The following KMT2E variants were observed in gnomAD, a reference collection of about 807,000 sequenced individuals.
The protein encoded by KMT2E is lysine methyltransferase 2E (inactive).
In KMT2E, 30 loss-of-function variants were observed where a neutral mutation model predicts 184.6. That is an observed-to-expected ratio of 0.16 (90% CI 0.12 to 0.22). The LOEUF (loss-of-function observed/expected upper bound fraction) is 0.22. Among genes scored for constraint, KMT2E ranks in the 10% least tolerant of loss-of-function variants. KMT2E has a pLI of 1.00. For synonymous variants in KMT2E, 815 were observed against 776.5 expected, an observed-to-expected ratio of 1.05 and a Z score of -0.82; for missense variants, 2,023 against 2,237.4, an observed-to-expected ratio of 0.90 and a Z score of 1.93.
At chr7:105,025,358 TAGA>T (rs1054203027) in intron 1 of KMT2E, among the ~76,000 whole-genome samples, 17 of 152,338 alleles carry the variant, frequency 1.1e-4, no homozygotes, top group African/African-American at 4.1e-4. Context: ...GTAAAATTCT[TAGA>T]AGCTCTGTAG....
At chr7:105,083,624 C>G (rs955109020) in intron 13 of KMT2E, among the ~76,000 whole-genome samples, 1 of 152,218 alleles carries the variant, frequency 6.6e-6, no homozygotes, top group Non-Finnish European at 1.5e-5. Context: ...AACCCAAATG[C>G]ATTTGCACAA....
rs962619499 is a variant in KMT2E at position 105,105,337 on chromosome 7, T to C, written c.2197-102T>C. 3.6e-6 allele frequency: 3 copies of C among 822,050 alleles called. No homozygotes were observed. In the Admixed American group the frequency reaches 9.0e-5, roughly 25 times the overall value. 50.9% of individuals were successfully genotyped at this position (822,050 alleles called of 1,614,324 possible). A position where few individuals can be genotyped will look rare whatever the true frequency, so the allele number is the denominator to read the frequency against. ...TATGAATGATTTAAATTACCCAATT[T>C]ATCATTTTAGATAATACACCAATTT... On this transcript the variant is annotated intron_variant, in intron 17 of 26. Coordinates refer to ENST00000311117, the MANE Select transcript of KMT2E (RefSeq NM_182931.3).
At chr7:105,031,742 A>G (rs1045614909) in intron 1 of KMT2E, among the ~76,000 whole-genome samples, 11 of 150,734 alleles carry the variant, frequency 7.3e-5, no homozygotes, top group African/African-American at 2.7e-4. Context: ...ACAGAGTGAA[A>G]CTGTCTCAAA....
chr7:105,024,853 A>G (rs919318254), intron 1 of KMT2E, among the ~76,000 whole-genome samples: 1 of 152,166 alleles, frequency 6.6e-6, no homozygotes, highest in African/African-American at 2.4e-5. Context: ...TGGTCTTTGT[A>G]CAGTGTCAAA....
At chr7:105,073,880 T>C (rs1345487444) in intron 7 of KMT2E, among the ~76,000 whole-genome samples, 1 of 152,158 alleles carries the variant, frequency 6.6e-6, no homozygotes, top group Non-Finnish European at 1.5e-5. Flanking sequence ...ATATGTACTT[T>C]GGGAAATAAA....
At chr7:105,041,055 A>AG (rs776534863) in intron 3 of KMT2E, 32 bp downstream of exon 3, 1 of 1,345,664 alleles carries the variant, frequency 7.4e-7, no homozygotes, top group Non-Finnish European at 1.0e-6. Context: ...ATAAGCAAAA[A>AG]AAAAAAAAAA....
chr7:105,096,704 A>G (rs550160470), intron 15 of KMT2E, among the ~76,000 whole-genome samples: 3 of 152,260 alleles, frequency 2.0e-5, no homozygotes, highest in African/African-American at 7.2e-5. Context: ...CTGAATGTTT[A>G]TAACAACCAC....
chr7:105,074,938 T>C, intron 8 of KMT2E, 123 bp downstream of exon 8: 1 of 678,216 alleles, frequency 1.5e-6, no homozygotes. Context: ...AGAAGTTTTT[T>C]ATTTTTAAAC....
Position 105,064,150 on chromosome 7 carries a change from A to AT in KMT2E, c.416+579dup, listed in dbSNP as rs1314166153. On this transcript the variant is annotated intron_variant, in intron 5 of 26. Coordinates refer to ENST00000311117, the MANE Select transcript of KMT2E (RefSeq NM_182931.3). ...GGGACAGAAAGTGGGGTTTTGTATC[A>AT]TTTTTTTTTCTTGGTTTTTTTTTTT... The AT allele has an allele frequency of 6.8e-3, 396 of 58,086 alleles. 1 individual carries two copies. Among genetic ancestry groups the AT allele is most frequent in the Non-Finnish European group, 0.013 (316 of 25,118 alleles). The allele number at this position is 58,086 out of a possible 1,614,324, so 3.6% of individuals were successfully genotyped here.
In KMT2E at chr7:105,078,881, A is replaced by G. The variant is rs1299423882; in HGVS notation, c.1166A>G (p.His389Arg). ...TTTGTGTTATTCTACTCTAAATTTC[A>G]TGGGCTAGAAATGTGTGTTGATGCA... Reference protein sequence around the residue: ...YPFVLFYSKFHGLEMCVDART... With the variant: ...YPFVLFYSKFRGLEMCVDART... The change falls in exon 12 of 27, where the codon CAT becomes CGT. Residue 389 changes from histidine (H) to arginine (R), a missense_variant. This residue lies in a region of KMT2E where 68 missense variants were observed against 133.1 expected (regional missense o/e 0.51). Coordinates refer to ENST00000311117, the MANE Select transcript of KMT2E (RefSeq NM_182931.3). 6.2e-7 allele frequency: 1 copy of G among 1,606,192 alleles called. No homozygotes were observed. The highest frequency in any genetic ancestry group is 8.5e-7 in the Non-Finnish European group (1 of 1,173,530).
In KMT2E at chr7:105,073,692, C is replaced by T. The variant is rs1347816802; in HGVS notation, c.556+15C>T. The T allele has an allele frequency of 6.5e-7, 1 of 1,528,162 alleles. No individual in the cohort carries two copies. The highest frequency in any genetic ancestry group is 9.1e-7 in the Non-Finnish European group (1 of 1,103,508). 94.7% of individuals were successfully genotyped at this position (1,528,162 alleles called of 1,614,324 possible). On this transcript the variant is annotated intron_variant, in intron 7 of 26. Transcript: ENST00000311117. ...AAATATGTCAGGTAGGTAAAAAGGACCTACACTAAATTAAAATTCGTGTGA... is the reference window on the plus strand; with the variant it reads ...AAATATGTCAGGTAGGTAAAAAGGATCTACACTAAATTAAAATTCGTGTGA...
intron 15 of KMT2E, among the ~76,000 whole-genome samples, chr7:105,100,073 T>C (rs538973645): frequency 2.0e-5 from 3 of 152,286 alleles, no homozygotes; most frequent in African/African-American, 7.2e-5. Context: ...GCTATTGTAG[T>C]GTTTGCCCGT....
rs1286757047 is a variant in KMT2E at position 105,107,880 on chromosome 7, G to C, written c.3423G>C (p.Leu1141Phe). The C allele has an allele frequency of 6.2e-6, 10 of 1,613,664 alleles. 1 individual carries two copies. In the South Asian group the frequency reaches 1.1e-4, roughly 18 times the overall value. ...SGFGRTVNDN[L>F]IDGNCTPQNP... ...TCGGACGGACTGTTAATGACAATTTGATCGACGGGAATTGCACACCCCAGA... is the reference window on the plus strand; with the variant it reads ...TCGGACGGACTGTTAATGACAATTTCATCGACGGGAATTGCACACCCCAGA... The change falls in exon 22 of 27, where the codon TTG becomes TTC. Residue 1141 changes from leucine (L) to phenylalanine (F), a missense_variant. Leu to Phe is a conservative substitution (Grantham distance 22). This residue lies in a region of KMT2E where 1,108 missense variants were observed against 1,050.9 expected (regional missense o/e 1.05). Transcript: ENST00000311117.
intron 3 of KMT2E, among the ~76,000 whole-genome samples, chr7:105,056,279 A>G (rs1413720547): frequency 6.6e-6 from 1 of 152,228 alleles, no homozygotes; most frequent in East Asian, 1.9e-4. Flanking sequence ...AAGTACTTGA[A>G]TTTGTGTCAG....
At chr7:105,092,309 G>A (rs1798239180) in intron 15 of KMT2E, among the ~76,000 whole-genome samples, 1 of 152,144 alleles carries the variant, frequency 6.6e-6, no homozygotes, top group East Asian at 1.9e-4. Context: ...GGCTGAGGTG[G>A]AAGAATTGCT....
rs2129568990 is a variant in KMT2E, at chr7:105,092,426, T to G, written c.1722+1112T>G. The stretch of plus-strand genomic sequence containing the variant: ...CCAAAAAAAAAAGTTTGGTCATTGT[T>G]GACCTACTTAATATGTGCCTGTTTG... On this transcript the variant is annotated intron_variant, in intron 15 of 26. Coordinates refer to ENST00000311117, the MANE Select transcript of KMT2E (RefSeq NM_182931.3). 2.0e-5 allele frequency among the ~76,000 whole-genome samples: 3 copies of G among 152,310 alleles called. 1 individual carries two copies. In the South Asian group the frequency reaches 6.2e-4, roughly 32 times the overall value.
chr7:105,039,093 A>G (rs1795781883), intron 2 of KMT2E: 1 of 152,208 alleles, frequency 6.6e-6, no homozygotes, highest in Non-Finnish European at 1.5e-5. Flanking sequence ...CATTTAGTTA[A>G]TTAAGCCAGA....
chr7:105,070,059 A>G (rs1481645994), intron 6 of KMT2E, among the ~76,000 whole-genome samples: 6 of 152,116 alleles, frequency 3.9e-5, no homozygotes, highest in Non-Finnish European at 8.8e-5. Context: ...TATGTACCAT[A>G]GTTTCTTTAA....
rs763682009 is a variant in KMT2E at position 105,112,578 on chromosome 7, C to T, written c.4822C>T (p.His1608Tyr). 6.2e-7 allele frequency: 1 copy of T among 1,614,044 alleles called. No homozygotes were observed. Among genetic ancestry groups the T allele is most frequent in the East Asian group, 2.2e-5 (1 of 44,872 alleles). Residue 1608 changes from histidine to tyrosine, a missense_variant, in exon 27 of 27, where the codon CAT (histidine) becomes TAT (tyrosine). Around this residue, in one of 8 missense-constraint regions of KMT2E, gnomAD observed 1,108 missense variants for 1,050.9 expected, o/e 1.05. Transcript: ENST00000311117. ...TVPGHHVTPG[H>Y]FLPSQNPTIH... ...TCCAGGACACCACGTGACTCCAGGG[C>T]ATTTTTTGCCCTCTCAGAACCCTAC...
Sources: gnomAD v4.1 joint callset for allele counts (sites outside exome capture counted in the v4.1 genomes callset) on GRCh38, gnomAD v4.1.1 for gene constraint, gnomAD v4.1.1 regional missense constraint, MANE v1.5 for transcripts, NCBI Gene and HGNC (gene_info 2026-07-23, HGNC 2026-07-21) for gene names.